GNG12: variants seen among roughly 807,000 people sequenced by gnomAD.
GNG12 encodes the protein G protein subunit gamma 12, also known as guanine nucleotide-binding protein G(I)/G(S)/G(O) subunit gamma-12.
For synonymous variants in GNG12, 28 were observed against 29.7 expected, an observed-to-expected ratio of 0.94 and a Z score of 0.19; for missense variants, 69 against 83.8, an observed-to-expected ratio of 0.82 and a Z score of 0.69.
intron 2 of GNG12, among the ~76,000 whole-genome samples, chr1:67,741,288 T>C (rs1646481495): frequency 6.6e-6 from 1 of 152,252 alleles, no homozygotes; most frequent in Non-Finnish European, 1.5e-5. Flanking sequence ...TCCTGGCCAT[T>C]CTGATTGCAC....
At chr1:67,772,322 T>C (rs920131954) in intron 2 of GNG12, among the ~76,000 whole-genome samples, 5 of 152,174 alleles carry the variant, frequency 3.3e-5, no homozygotes, top group African/African-American at 9.7e-5. Context: ...CCCAAAGTGG[T>C]GCTACCCATC....
chr1:67,808,353 T>C (rs1223846137), intron 1 of GNG12, among the ~76,000 whole-genome samples: 1 of 152,110 alleles, frequency 6.6e-6, no homozygotes, highest in African/African-American at 2.4e-5. Context: ...CCATATTTAA[T>C]AGTGAGTAAC....
chr1:67,791,739 T>C (rs915990428), intron 1 of GNG12, among the ~76,000 whole-genome samples: 2 of 151,940 alleles, frequency 1.3e-5, no homozygotes, highest in Non-Finnish European at 2.9e-5. Context: ...ACTTAAAGAG[T>C]TCCCTCTGCT....
intron 1 of GNG12, among the ~76,000 whole-genome samples, chr1:67,780,870 C>T (rs1646733703): frequency 6.6e-6 from 1 of 152,156 alleles, no homozygotes; most frequent in South Asian, 2.1e-4. Context: ...ATAGCATACC[C>T]AGTGTCTTGG....
intron 1 of GNG12, among the ~76,000 whole-genome samples, chr1:67,790,440 A>C (rs1156273148): frequency 6.6e-6 from 1 of 152,200 alleles, no homozygotes; most frequent in Non-Finnish European, 1.5e-5. Flanking sequence ...ACTATACCAC[A>C]GCAGGGAGAT....
chr1:67,744,189 T>C (rs1646496708), intron 2 of GNG12, among the ~76,000 whole-genome samples: 1 of 152,224 alleles, frequency 6.6e-6, no homozygotes, highest in Non-Finnish European at 1.5e-5. Flanking sequence ...ACTTTATGTA[T>C]GGAGAAACAA....
At chr1:67,812,623 G>A (rs1387852338) in intron 1 of GNG12, among the ~76,000 whole-genome samples, 1 of 152,182 alleles carries the variant, frequency 6.6e-6, no homozygotes. Context: ...GGAGCCATTC[G>A]AAAAGAAGGC....
intron 1 of GNG12, among the ~76,000 whole-genome samples, chr1:67,785,359 T>G (rs1461807824): frequency 1.3e-5 from 2 of 152,202 alleles, no homozygotes; most frequent in Non-Finnish European, 1.5e-5. Context: ...TTATTATTTT[T>G]TACCTGGCAA....
At chr1:67,720,978 A>G (rs1646353425) in intron 2 of GNG12, among the ~76,000 whole-genome samples, 1 of 152,114 alleles carries the variant, frequency 6.6e-6, no homozygotes, top group African/African-American at 2.4e-5. Flanking sequence ...TTATTAACCC[A>G]TTTTCCAAGT....
At chr1:67,709,516 G>C (rs1426697044) in intron 2 of GNG12, among the ~76,000 whole-genome samples, 1 of 152,028 alleles carries the variant, frequency 6.6e-6, no homozygotes, top group Non-Finnish European at 1.5e-5. Context: ...AGAAAACTAG[G>C]AGGATGAAGC....
At chr1:67,773,092 A>T (rs570548389) in intron 2 of GNG12, among the ~76,000 whole-genome samples, 1 of 152,280 alleles carries the variant, frequency 6.6e-6, no homozygotes, top group South Asian at 2.1e-4. Context: ...TTTAAATTAT[A>T]TTTCTGTTGC....
chr1:67,769,394 T>C (rs1033106), intron 2 of GNG12, among the ~76,000 whole-genome samples: 38,467 of 152,134 alleles, frequency 0.25, 6,824 homozygotes, highest in African/African-American at 0.51. Context: ...AAATGTCACA[T>C]GAGCATGAAA....
intron 2 of GNG12, among the ~76,000 whole-genome samples, chr1:67,755,361 C>T (rs894208684): frequency 1.3e-5 from 2 of 152,216 alleles, no homozygotes; most frequent in South Asian, 2.1e-4. Flanking sequence ...GCACTTTTCA[C>T]TTCCTATTTT....
intron 1 of GNG12, among the ~76,000 whole-genome samples, chr1:67,803,276 G>A (rs990220147): frequency 2.0e-5 from 3 of 152,190 alleles, no homozygotes; most frequent in African/African-American, 7.2e-5. Flanking sequence ...CACTTTGGAA[G>A]CCTGAGACAG....
At chr1:67,734,047 A>G (rs1470432049) in intron 2 of GNG12, among the ~76,000 whole-genome samples, 2 of 152,106 alleles carry the variant, frequency 1.3e-5, no homozygotes, top group African/African-American at 4.8e-5. Flanking sequence ...AGGAAACTTG[A>G]GTTCCTTTCT....
intron 2 of GNG12, among the ~76,000 whole-genome samples, chr1:67,736,239 CTCT>C (rs1646451668): frequency 6.6e-6 from 1 of 152,118 alleles, no homozygotes; most frequent in Admixed American, 6.6e-5. Context: ...CAACGCCCAC[CTCT>C]TCTTCCGGTT....
intron 3 of GNG12, 32 bp from the exon 4 acceptor site, chr1:67,705,608 A>T (rs949973868): frequency 6.3e-7 from 1 of 1,590,458 alleles, no homozygotes; most frequent in East Asian, 2.3e-5. Flanking sequence ...CAAACAAGAA[A>T]GAAAATATTT....
intron 2 of GNG12, among the ~76,000 whole-genome samples, chr1:67,723,577 C>T (rs960560043): frequency 2.0e-5 from 3 of 152,058 alleles, no homozygotes; most frequent in African/African-American, 7.2e-5. Flanking sequence ...TATTTATATA[C>T]CACTTACACT....
intron 1 of GNG12, among the ~76,000 whole-genome samples, chr1:67,802,762 C>T (rs1315119257): frequency 6.6e-6 from 1 of 152,144 alleles, no homozygotes; most frequent in Non-Finnish European, 1.5e-5. Flanking sequence ...TTTCTCAGGG[C>T]TCCCACTGGA....
Sources: allele counts gnomAD v4.1 joint callset (sites outside exome capture counted in the v4.1 genomes callset), GRCh38; gene constraint gnomAD v4.1.1; transcripts MANE v1.5; gene names NCBI Gene and HGNC (gene_info 2026-07-23, HGNC 2026-07-21).